Variants in DERA observed in about 807,000 individuals in gnomAD.
The protein encoded by DERA is 2-deoxy-D-ribose 5-phosphate aldolase.
A neutral mutation model predicts 41.1 loss-of-function variants in DERA; 15 were observed. That is an observed-to-expected ratio of 0.37 (90% CI 0.24 to 0.56). DERA has a LOEUF of 0.56. Among genes scored for constraint, DERA ranks in the 20% least tolerant of loss-of-function variants. DERA has a pLI of 0.81. For synonymous variants in DERA, 139 were observed against 137.4 expected (o/e 1.01, Z -0.08); for missense variants, 396 against 403.4 (o/e 0.98, Z 0.16).
rs1948851970 is a variant in DERA, at chr12:15,998,211, T to A, written c.637+15775T>A. ...AAGGAAATTCATACTTTGAGAAACA[T>A]GCATTTTAAAACTTCTCCAGTTGCT... On this transcript the variant is annotated intron_variant, in intron 6 of 8. Coordinates refer to ENST00000428559, the MANE Select transcript of DERA (RefSeq NM_015954.4). The surrounding 1 kb of genome is among the most constrained non-coding windows in gnomAD (Gnocchi z 4.8). 6.6e-6 allele frequency among the ~76,000 whole-genome samples: 1 copy of A among 152,202 alleles called. No homozygotes were observed. Among genetic ancestry groups the A allele is most frequent in the South Asian group, 2.1e-4 (1 of 4,830 alleles).
In DERA at chr12:15,962,929, C is replaced by T; in HGVS notation, c.490C>T (p.Leu164=). ...IDVVINRSLV[L]TGQWEALYDE... ...CGTGGTAATTAACAGAAGCTTGGTG[C>T]TGACAGGCCAGTGGGAAGGTAGGTG... Residue 164 remains leucine (L), a synonymous_variant, in exon 5 of 9, where the codon CTG becomes TTG. Coordinates refer to ENST00000428559, the MANE Select transcript of DERA (RefSeq NM_015954.4). 6.2e-7 allele frequency: 1 copy of T among 1,606,082 alleles called. No individual in the cohort carries two copies. The highest frequency in any genetic ancestry group is 1.1e-5 in the South Asian group (1 of 88,688).
chr12:15,932,723 T>A (rs992770635), intron 1 of DERA, among the ~76,000 whole-genome samples: 98 of 152,302 alleles, frequency 6.4e-4, no homozygotes, highest in African/African-American at 2.3e-3. Flanking sequence ...AAGTCTATTG[T>A]TAACGATTTT....
At position 15,970,550 on chromosome 12, in the gene DERA, A is replaced by T. The variant is rs1396520195; in HGVS notation, c.508+7603A>T. On this transcript the variant is annotated intron_variant, in intron 5 of 8. Transcript: ENST00000428559. The surrounding 1 kb of genome is among the most constrained non-coding windows in gnomAD (Gnocchi z 4.3). ...AGTTAATTTTATTTATTTATTTATA[A>T]GTGTTTTTAGCTTTTTGAGGGTTTT... Among the ~76,000 whole-genome samples the T allele has an allele frequency of 6.6e-6, 1 of 152,130 alleles. No homozygotes were observed. Among genetic ancestry groups the T allele is most frequent in the Non-Finnish European group, 1.5e-5 (1 of 68,024 alleles).
rs961052281 is a variant in DERA, at chr12:15,999,140, C to T, written c.637+16704C>T. ...AGGGAAGACTGAGGCACTGTGGGAG[C>T]GAGGAGGAGGCCAATCAAGAACAGA... On this transcript the variant is annotated intron_variant, in intron 6 of 8. Transcript: ENST00000428559. The surrounding 1 kb of genome is among the most constrained non-coding windows in gnomAD (Gnocchi z 5.3). 5.9e-5 allele frequency among the ~76,000 whole-genome samples: 9 copies of T among 152,090 alleles called. No homozygotes were observed. Among genetic ancestry groups the T allele is most frequent in the African/African-American group, 1.4e-4 (6 of 41,478 alleles).
At chr12:15,919,335 T>G (rs1948224648) in intron 1 of DERA, among the ~76,000 whole-genome samples, 1 of 152,136 alleles carries the variant, frequency 6.6e-6, no homozygotes, top group African/African-American at 2.4e-5. Flanking sequence ...CAAGCACTTA[T>G]TTAAAATGGG....
chr12:15,979,856 A>G (rs769238672), intron 5 of DERA, among the ~76,000 whole-genome samples: 2 of 152,246 alleles, frequency 1.3e-5, no homozygotes, highest in Non-Finnish European at 2.9e-5. Flanking sequence ...CAAGAAATTC[A>G]CTTGGCATCA....
At position 15,918,287 on chromosome 12, in the gene DERA, G is replaced by A. The variant is rs1304981576; in HGVS notation, c.31+6873G>A. On this transcript the variant is annotated intron_variant, in intron 1 of 8. Coordinates refer to ENST00000428559, the MANE Select transcript of DERA (RefSeq NM_015954.4). This position sits in a 1 kb window ranked among gnomAD's most constrained non-coding sequence, Gnocchi z 4.3. ...TGTGGGGCTGTGGACCTCTGTGCCC[G>A]GCCGCCTCGCCTCCCTCTGCAGGTG... Among the ~76,000 whole-genome samples, 4 of 152,098 alleles carry A rather than the reference G, an allele frequency of 2.6e-5. No individual in the cohort carries two copies. The highest frequency in any genetic ancestry group is 2.1e-4 in the South Asian group (1 of 4,830).
rs1759675063 is a variant in DERA at position 15,963,402 on chromosome 12, A to G, written c.508+455A>G. Reference sequence around the variant, plus strand: ...AGTCTTTAAAGGTATGGGATTATTAAGTTGACTAAGTTTATTTTTACTTCT... The same window carrying G: ...AGTCTTTAAAGGTATGGGATTATTAGGTTGACTAAGTTTATTTTTACTTCT... On this transcript the variant is annotated intron_variant, in intron 5 of 8. Coordinates refer to ENST00000428559, the MANE Select transcript of DERA (RefSeq NM_015954.4). Among the ~76,000 whole-genome samples the G allele has an allele frequency of 2.0e-5, 3 of 152,292 alleles. No homozygotes were observed. In the South Asian group the frequency reaches 6.2e-4, roughly 32 times the overall value.
At chr12:15,926,684 G>T (rs1158304378) in intron 1 of DERA, among the ~76,000 whole-genome samples, 1 of 150,924 alleles carries the variant, frequency 6.6e-6, no homozygotes, top group Admixed American at 6.6e-5. Context: ...TGCAGTGAGC[G>T]GAGATCCCAC....
intron 1 of DERA, among the ~76,000 whole-genome samples, chr12:15,934,765 T>C (rs1163193857): frequency 6.6e-6 from 1 of 152,174 alleles, no homozygotes; most frequent in Non-Finnish European, 1.5e-5. Context: ...AGGAAAACTA[T>C]ATAGTCCCAA....
chr12:15,987,957 A>C (rs984067262), intron 6 of DERA, among the ~76,000 whole-genome samples: 1 of 152,178 alleles, frequency 6.6e-6, no homozygotes, highest in Admixed American at 6.5e-5. Flanking sequence ...AGCCAGGCAC[A>C]TCAGCTGCGG....
At chr12:15,974,732 A>G (rs890324496) in intron 5 of DERA, among the ~76,000 whole-genome samples, 1 of 151,550 alleles carries the variant, frequency 6.6e-6, no homozygotes, top group Non-Finnish European at 1.5e-5. Context: ...ACTTTTATTC[A>G]CTCTTTTAGC....
chr12:16,028,518 C>A (rs1401237266), intron 6 of DERA, among the ~76,000 whole-genome samples: 1 of 152,172 alleles, frequency 6.6e-6, no homozygotes, highest in Non-Finnish European at 1.5e-5. Context: ...TAACTTCCCA[C>A]TCCTTAAATG....
chr12:15,947,520 G>A (rs1948460001), intron 1 of DERA, among the ~76,000 whole-genome samples: 1 of 152,098 alleles, frequency 6.6e-6, no homozygotes, highest in African/African-American at 2.4e-5. Context: ...TCAGCGAATA[G>A]GATTGCAACC....
intron 1 of DERA, among the ~76,000 whole-genome samples, chr12:15,912,020 C>CTTT (rs11354779): frequency 7.5e-6 from 1 of 134,178 alleles, no homozygotes; most frequent in Non-Finnish European, 1.6e-5. Flanking sequence ...GTTCAGATTT[C>CTTT]TTTTTTTTTT....
At chr12:15,942,678 G>A in intron 1 of DERA, among the ~76,000 whole-genome samples, 1 of 152,168 alleles carries the variant, frequency 6.6e-6, no homozygotes, top group East Asian at 1.9e-4. Context: ...GGGAGTGTTA[G>A]TTTTGTTATG....
Position 15,915,012 on chromosome 12 carries a change from A to C in DERA, c.31+3598A>C, listed in dbSNP as rs2136121263. Among the ~76,000 whole-genome samples the C allele has an allele frequency of 2.0e-5, 3 of 152,286 alleles. No individual in the cohort carries two copies. In the South Asian group the frequency reaches 6.2e-4, roughly 32 times the overall value. On this transcript the variant is annotated intron_variant, in intron 1 of 8. Transcript: ENST00000428559. This position sits in a 1 kb window ranked among gnomAD's most constrained non-coding sequence, Gnocchi z 4.8. ...AGGTTGGTGGGATTTTTTTATTTTA[A>C]GAAGCACATTTATTTAGGTAGTTAT...
intron 1 of DERA, among the ~76,000 whole-genome samples, chr12:15,949,754 G>C (rs948422715): frequency 5.9e-5 from 9 of 152,300 alleles, no homozygotes; most frequent in Admixed American, 5.9e-4. Context: ...CGGTACCTCA[G>C]TTGGAAATGC....
At chr12:15,925,121 A>G (rs902286986) in intron 1 of DERA, among the ~76,000 whole-genome samples, 6 of 151,930 alleles carry the variant, frequency 3.9e-5, no homozygotes, top group Non-Finnish European at 5.9e-5. Flanking sequence ...ATTTGGCCCC[A>G]TTCCTGTTAC....
Sources: allele counts gnomAD v4.1 joint callset (sites outside exome capture counted in the v4.1 genomes callset), GRCh38; gene constraint gnomAD v4.1.1; non-coding constraint Gnocchi (gnomAD v3.1); transcripts MANE v1.5; gene names NCBI Gene and HGNC (gene_info 2026-07-23, HGNC 2026-07-21).